CAMK1D: variants seen among roughly 807,000 people sequenced by gnomAD.
The protein encoded by CAMK1D is calcium/calmodulin dependent protein kinase ID.
In CAMK1D, 9 loss-of-function variants were observed where a neutral mutation model predicts 47.7. The ratio of observed to expected loss-of-function variants is 0.19; its 90% CI spans 0.11 to 0.33. The LOEUF is 0.33. Ranked by LOEUF, CAMK1D falls within the 10% of genes least tolerant of loss-of-function variation. The pLI, the probability that CAMK1D is intolerant of heterozygous loss-of-function variation, is 1.00. For missense variants in CAMK1D, 291 were observed against 488.7 expected (o/e 0.60, Z 3.81); for synonymous variants, 184 against 184.9 (o/e 0.99, Z 0.04).
chr10:12,457,866 G>A (rs1833303629), intron 1 of CAMK1D, among the ~76,000 whole-genome samples: 1 of 151,988 alleles, frequency 6.6e-6, no homozygotes. Flanking sequence ...ACACTGGAAG[G>A]ATAAACAAGT....
At chr10:12,702,095 G>T (rs376652030) in intron 3 of CAMK1D, among the ~76,000 whole-genome samples, 1 of 152,208 alleles carries the variant, frequency 6.6e-6, no homozygotes, top group Non-Finnish European at 1.5e-5. Context: ...GGGAGTGGGG[G>T]TGCTGGAAAT....
chr10:12,438,310 A>G (rs1832691308), intron 1 of CAMK1D, among the ~76,000 whole-genome samples: 1 of 152,176 alleles, frequency 6.6e-6, no homozygotes, highest in African/African-American at 2.4e-5. Context: ...GAAGGACCAC[A>G]TGTTAAGCTG....
chr10:12,410,319 G>A (rs534942750), intron 1 of CAMK1D, among the ~76,000 whole-genome samples: 1 of 152,250 alleles, frequency 6.6e-6, no homozygotes, highest in African/African-American at 2.4e-5. Context: ...TCTTGAGTGT[G>A]TATCTCTCTG....
rs542827716 is a variant in CAMK1D at position 12,379,952 on chromosome 10, C to T, written c.92+30042C>T. On this transcript the variant is annotated intron_variant, in intron 1 of 10. Transcript: ENST00000619168. ...GTTGTTGGCCGGGCGCGGTGGCTCA[C>T]GCCTGTAATACCAGCACTTTGGGAG... is the stretch of plus-strand genomic sequence containing the variant. Among the ~76,000 whole-genome samples the T allele has an allele frequency of 2.8e-4, 43 of 151,936 alleles. No homozygotes were observed. In the South Asian group the frequency reaches 4.6e-3, roughly 16 times the overall value.
intron 6 of CAMK1D, among the ~76,000 whole-genome samples, chr10:12,813,740 G>GGTTTTC (rs1368494672): frequency 6.6e-6 from 1 of 151,926 alleles, no homozygotes; most frequent in African/African-American, 2.4e-5. Flanking sequence ...ACGCGGTACA[G>GGTTTTC]ATTTTCTTTT....
intron 1 of CAMK1D, among the ~76,000 whole-genome samples, chr10:12,429,486 C>T (rs114644186): frequency 0.027 from 4,034 of 152,096 alleles, 180 homozygotes; most frequent in African/African-American, 0.092. Flanking sequence ...ATTATAGGTG[C>T]GCGCTATCGT....
At chr10:12,404,473 T>A (rs1343742362) in intron 1 of CAMK1D, among the ~76,000 whole-genome samples, 1 of 152,218 alleles carries the variant, frequency 6.6e-6, no homozygotes, top group Non-Finnish European at 1.5e-5. Flanking sequence ...TGGTATGCCT[T>A]ATAAATAGGT....
intron 2 of CAMK1D, among the ~76,000 whole-genome samples, chr10:12,621,801 T>TTGTGTGTGTG (rs34900693): frequency 8.6e-5 from 13 of 151,524 alleles, no homozygotes; most frequent in Non-Finnish European, 1.8e-4. Context: ...TTAGTTCTAG[T>TTGTGTGTGTG]TGTGTGTGTG....
At chr10:12,734,433 T>TACACAC (rs1278593658) in intron 3 of CAMK1D, among the ~76,000 whole-genome samples, 3 of 2,300 alleles carry the variant, frequency 1.3e-3, no homozygotes, top group Admixed American at 0.013. Flanking sequence ...TATATATATA[T>TACACAC]ACACACACAC....
chr10:12,467,557 A>C (rs990250073), intron 1 of CAMK1D, among the ~76,000 whole-genome samples: 3 of 152,230 alleles, frequency 2.0e-5, no homozygotes, highest in Non-Finnish European at 2.9e-5. Flanking sequence ...TTTCAAATGC[A>C]CTGAATGTCA....
At chr10:12,773,938 C>G (rs1173636618) in intron 5 of CAMK1D, among the ~76,000 whole-genome samples, 1 of 151,954 alleles carries the variant, frequency 6.6e-6, no homozygotes, top group Non-Finnish European at 1.5e-5. Context: ...GAATAAGGTA[C>G]AAATTCTGAC....
At chr10:12,413,253 G>A (rs1839725984) in intron 1 of CAMK1D, among the ~76,000 whole-genome samples, 1 of 152,102 alleles carries the variant, frequency 6.6e-6, no homozygotes, top group African/African-American at 2.4e-5. Flanking sequence ...GAGCAAGTGA[G>A]AGCGAGGCGG....
At chr10:12,774,958 G>C (rs1022505826) in intron 5 of CAMK1D, among the ~76,000 whole-genome samples, 3 of 152,278 alleles carry the variant, frequency 2.0e-5, no homozygotes, top group Admixed American at 2.0e-4. Context: ...TCTAGGACAC[G>C]AGCTGGGATC....
chr10:12,589,506 T>C (rs1837933411), intron 2 of CAMK1D, among the ~76,000 whole-genome samples: 1 of 152,188 alleles, frequency 6.6e-6, no homozygotes, highest in Admixed American at 6.5e-5. Flanking sequence ...TTCTCTTAAA[T>C]GAGAGCAAAT....
intron 1 of CAMK1D, among the ~76,000 whole-genome samples, chr10:12,486,510 C>G (rs984722398): frequency 3.5e-5 from 5 of 142,260 alleles, no homozygotes; most frequent in Non-Finnish European, 7.6e-5. Flanking sequence ...ACCATGTACC[C>G]ACGTGTGCAT....
At position 12,832,751 on chromosome 10, in the gene CAMK1D, T is replaced by C. The variant is rs919270454; in HGVS notation, c.*3864T>C. Reference sequence around the variant, plus strand: ...CCGCTGGCCTTTGAGAGAGTCTCACTCTCCAGCTAGCTCTTTGTGTAGTGT... The same window carrying C: ...CCGCTGGCCTTTGAGAGAGTCTCACCCTCCAGCTAGCTCTTTGTGTAGTGT... On this transcript the variant is annotated 3_prime_UTR_variant, in exon 11 of 11. Coordinates refer to ENST00000619168, the MANE Select transcript of CAMK1D (RefSeq NM_153498.4). 6.6e-6 allele frequency: 1 copy of C among 152,320 alleles called. No individual in the cohort carries two copies. Among genetic ancestry groups the C allele is most frequent in the Non-Finnish European group, 1.5e-5 (1 of 68,154 alleles). The allele number at this position is 152,320 out of a possible 1,614,324, so 9.4% of individuals were successfully genotyped here.
At chr10:12,569,771 T>A (rs1206172633) in intron 2 of CAMK1D, among the ~76,000 whole-genome samples, 3 of 148,128 alleles carry the variant, frequency 2.0e-5, no homozygotes, top group African/African-American at 7.5e-5. Flanking sequence ...TTACAAAACT[T>A]ACCTAGGAAA....
intron 6 of CAMK1D, among the ~76,000 whole-genome samples, chr10:12,792,463 GA>G (rs1838017656): frequency 1.3e-5 from 2 of 152,344 alleles, no homozygotes; most frequent in African/African-American, 4.8e-5. Flanking sequence ...CCCCCAAGGA[GA>G]AACATTTCCT....
At position 12,466,014 on chromosome 10, in the gene CAMK1D, T is replaced by C. The variant is rs532809627; in HGVS notation, c.93-87211T>C. The stretch of plus-strand genomic sequence containing the variant: ...ATTTGAGAGAGTTAGCCTCAGTTTC[T>C]TCATTTAAAAAATGAGGTTATGGCT... On this transcript the variant is annotated intron_variant, in intron 1 of 10. Transcript: ENST00000619168. Among the ~76,000 whole-genome samples the C allele has an allele frequency of 5.9e-5, 9 of 152,324 alleles. No homozygotes were observed. The South Asian group carries it at 1.9e-3, about 32-fold the overall frequency.
Sources: gnomAD v4.1 joint callset for allele counts (sites outside exome capture counted in the v4.1 genomes callset) on GRCh38, gnomAD v4.1.1 for gene constraint, MANE v1.5 for transcripts, NCBI Gene and HGNC (gene_info 2026-07-23, HGNC 2026-07-21) for gene names.